The following WDR7 variants were observed in gnomAD, a reference collection of about 807,000 sequenced individuals.
The protein encoded by WDR7 is WD repeat-containing protein 7.
In WDR7, 46 loss-of-function variants were observed where a neutral mutation model predicts 169.4. The observed-to-expected ratio is 0.27, with a 90% confidence interval of 0.21 to 0.35. The LOEUF is 0.35. Among genes scored for constraint, WDR7 ranks in the 10% least tolerant of loss-of-function variants. The pLI is 1.00. For synonymous variants in WDR7, 612 were observed against 666.8 expected, an observed-to-expected ratio of 0.92 and a Z score of 1.27; for missense variants, 1,534 against 1,859.3, an observed-to-expected ratio of 0.83 and a Z score of 3.22.
intron 1 of WDR7, among the ~76,000 whole-genome samples, chr18:56,664,858 A>G (rs1235526369): frequency 6.6e-6 from 1 of 152,200 alleles, no homozygotes; most frequent in East Asian, 1.9e-4. Context: ...AGGAGTAGTA[A>G]ATCATGTGGC....
intron 19 of WDR7, among the ~76,000 whole-genome samples, chr18:56,796,510 G>T (rs1290770962): frequency 6.6e-6 from 1 of 152,166 alleles, no homozygotes; most frequent in East Asian, 1.9e-4. Context: ...AAAGATTTCT[G>T]CATTGATAAC....
At chr18:56,882,614 T>G (rs1480211381) in intron 21 of WDR7, among the ~76,000 whole-genome samples, 1 of 152,212 alleles carries the variant, frequency 6.6e-6, no homozygotes, top group Non-Finnish European at 1.5e-5. Context: ...ATTATTTTCT[T>G]TGAAGTGGAA....
chr18:56,718,194 T>G lies in WDR7; in HGVS notation c.1774+35T>G. On this transcript the variant is annotated intron_variant, in intron 13 of 27. Coordinates refer to ENST00000254442, the MANE Select transcript of WDR7 (RefSeq NM_015285.3). ...AGTATGAAGAGATACTATAGAAAAT[T>G]AAATGGGTGTATTTCATTTTCTAGA... 3 of 1,434,452 alleles carry G rather than the reference T, an allele frequency of 2.1e-6. No individual in the cohort carries two copies. In the South Asian group the frequency reaches 5.0e-5, roughly 24 times the overall value. 88.9% of individuals were successfully genotyped at this position (1,434,452 alleles called of 1,614,324 possible). A position where few individuals can be genotyped will look rare whatever the true frequency, so the allele number is the denominator to read the frequency against.
chr18:56,729,596 ACTC>A (rs571898001), intron 13 of WDR7, among the ~76,000 whole-genome samples: 14 of 152,090 alleles, frequency 9.2e-5, no homozygotes, highest in African/African-American at 2.9e-4. Flanking sequence ...ACTTCACAGT[ACTC>A]CTTTTAGTGG....
chr18:56,784,289 G>A (rs2044361894), intron 19 of WDR7, among the ~76,000 whole-genome samples: 1 of 152,140 alleles, frequency 6.6e-6, no homozygotes, highest in Non-Finnish European at 1.5e-5. Context: ...AGCTTTTGGT[G>A]TATAAATGGT....
At chr18:56,691,145 C>A in intron 7 of WDR7, 71 bp from the exon 8 acceptor site, 1 of 1,527,734 alleles carries the variant, frequency 6.5e-7, no homozygotes, top group Non-Finnish European at 8.7e-7. Flanking sequence ...TTTTTTTAAA[C>A]TTGAAATGTC....
At chr18:56,697,581 G>A (rs1568143564) in intron 12 of WDR7, among the ~76,000 whole-genome samples, 1 of 151,134 alleles carries the variant, frequency 6.6e-6, no homozygotes, top group Non-Finnish European at 1.5e-5. Context: ...CCAATTTTAT[G>A]TCATATTTTG....
At chr18:56,805,119 A>G (rs1189501640) in intron 19 of WDR7, among the ~76,000 whole-genome samples, 1 of 152,144 alleles carries the variant, frequency 6.6e-6, no homozygotes, top group Non-Finnish European at 1.5e-5. Flanking sequence ...CACCCTAAGT[A>G]ATGCTTTGGG....
chr18:56,713,682 A>T (rs2026131419), intron 12 of WDR7, among the ~76,000 whole-genome samples: 1 of 152,192 alleles, frequency 6.6e-6, no homozygotes. Flanking sequence ...ATGGAAAAAG[A>T]TGAAGTAGAA....
At chr18:56,995,705 G>A (rs1361629071) in intron 26 of WDR7, among the ~76,000 whole-genome samples, 1 of 152,070 alleles carries the variant, frequency 6.6e-6, no homozygotes, top group Non-Finnish European at 1.5e-5. Context: ...GATTTCATGA[G>A]AACTACTAGA....
chr18:56,913,368 A>G (rs1396268782), intron 21 of WDR7, among the ~76,000 whole-genome samples: 1 of 152,170 alleles, frequency 6.6e-6, no homozygotes, highest in Non-Finnish European at 1.5e-5. Context: ...GTTTCACTAC[A>G]TGTAACCACC....
chr18:56,680,120 G>A (rs2025324123), intron 3 of WDR7, among the ~76,000 whole-genome samples: 1 of 152,126 alleles, frequency 6.6e-6, no homozygotes, highest in African/African-American at 2.4e-5. Flanking sequence ...ACTTTGGGAG[G>A]CTGGGATGGG....
intron 4 of WDR7, 129 bp from the exon 5 acceptor site, chr18:56,682,550 C>A (rs2025369882): frequency 2.0e-6 from 2 of 992,334 alleles, no homozygotes; most frequent in Non-Finnish European, 2.9e-6. Flanking sequence ...TGGTAAATAT[C>A]TAAAATTCTT....
At chr18:56,945,873 T>A (rs916053110) in intron 25 of WDR7, among the ~76,000 whole-genome samples, 1 of 152,182 alleles carries the variant, frequency 6.6e-6, no homozygotes, top group Non-Finnish European at 1.5e-5. Flanking sequence ...CCATGTTGTG[T>A]TATGTAAAAC....
chr18:56,879,852 T>G, intron 20 of WDR7, 92 bp from the exon 21 acceptor site: 1 of 1,018,996 alleles, frequency 9.8e-7, no homozygotes, highest in Non-Finnish European at 1.5e-6. Context: ...ATGCTATTCT[T>G]TCCGAACGTG....
At chr18:56,835,924 A>G (rs1249152658) in intron 20 of WDR7, among the ~76,000 whole-genome samples, 1 of 152,228 alleles carries the variant, frequency 6.6e-6, no homozygotes, top group Non-Finnish European at 1.5e-5. Flanking sequence ...AGTTGACTGT[A>G]TATGATTCAT....
chr18:57,026,853 A>G (rs1398154066), intron 27 of WDR7, 151 bp from the exon 28 acceptor site: 1 of 790,920 alleles, frequency 1.3e-6, no homozygotes, highest in Non-Finnish European at 2.0e-6. Flanking sequence ...AAGCACACTG[A>G]AAGGAACTTT....
chr18:56,962,398 T>C (rs370333985), intron 25 of WDR7, 32 bp from the exon 26 acceptor site: 9 of 1,603,890 alleles, frequency 5.6e-6, no homozygotes, highest in Non-Finnish European at 7.7e-6. Flanking sequence ...GGCTTCTTGT[T>C]TTTGTTTTTG....
intron 26 of WDR7, among the ~76,000 whole-genome samples, chr18:56,978,438 A>C (rs1438775071): frequency 5.9e-5 from 9 of 152,218 alleles, no homozygotes; most frequent in Admixed American, 5.9e-4. Context: ...TTTTAGGCTA[A>C]AGGAAATAGT....
Sources: allele counts gnomAD v4.1 joint callset (sites outside exome capture counted in the v4.1 genomes callset), GRCh38; gene constraint gnomAD v4.1.1; transcripts MANE v1.5; gene names NCBI Gene and HGNC (gene_info 2026-07-23, HGNC 2026-07-21).